Variants in MLIP observed in about 807,000 individuals in gnomAD.
The protein encoded by MLIP is muscular LMNA-interacting protein.
Under a neutral mutation model 84.8 loss-of-function variants are expected in MLIP, and 79 were observed. The ratio of observed to expected loss-of-function variants is 0.93; its 90% CI spans 0.78 to 1.12. The LOEUF (loss-of-function observed/expected upper bound fraction) is 1.12, where lower values mean the gene tolerates loss of function less well. Among genes scored for constraint, MLIP ranks in the 50% most tolerant of loss-of-function variants. The probability of loss-of-function intolerance (pLI) is 0.00; values close to 1 mark genes in which losing one functional copy is unlikely to be tolerated. For missense variants in MLIP, 1,257 were observed against 1,160.6 expected, an observed-to-expected ratio of 1.08 and a Z score of -1.21; for synonymous variants, 504 against 463.0, an observed-to-expected ratio of 1.09 and a Z score of -1.14.
At chr6:54,205,039 T>C (rs933750722) in intron 11 of MLIP, among the ~76,000 whole-genome samples, 4 of 152,166 alleles carry the variant, frequency 2.6e-5, no homozygotes, top group African/African-American at 9.7e-5. Flanking sequence ...AGATAGAACC[T>C]TGGGACCACT....
At chr6:54,019,270 A>G (rs922262355) in intron 1 of MLIP, among the ~76,000 whole-genome samples, 2 of 152,296 alleles carry the variant, frequency 1.3e-5, no homozygotes, top group South Asian at 2.1e-4. Flanking sequence ...AAAGTTATAT[A>G]TAAAATGCCA....
At chr6:54,159,267 C>T (rs992610463) in intron 5 of MLIP, among the ~76,000 whole-genome samples, 5 of 151,950 alleles carry the variant, frequency 3.3e-5, no homozygotes, top group Admixed American at 6.6e-5. Flanking sequence ...AACCTTTAGT[C>T]ACGAGCCTAC....
intron 9 of MLIP, among the ~76,000 whole-genome samples, chr6:54,180,779 C>T (rs1776775303): frequency 6.6e-6 from 1 of 152,178 alleles, no homozygotes; most frequent in Admixed American, 6.5e-5. Context: ...AGTCTCAACA[C>T]AGCTATTTTG....
At chr6:54,222,237 C>T (rs1780268903) in intron 11 of MLIP, among the ~76,000 whole-genome samples, 1 of 151,878 alleles carries the variant, frequency 6.6e-6, no homozygotes, top group Admixed American at 6.6e-5. Context: ...AGGATCTGCC[C>T]TCTTAGCAAT....
intron 1 of MLIP, among the ~76,000 whole-genome samples, chr6:54,101,299 A>G (rs1185456985): frequency 6.6e-6 from 1 of 152,128 alleles, no homozygotes; most frequent in South Asian, 2.1e-4. Context: ...ACTCTTATCA[A>G]TTAGAAATTT....
chr6:54,030,644 C>A (rs546315115), intron 1 of MLIP: 2 of 151,708 alleles, frequency 1.3e-5, no homozygotes, highest in Admixed American at 6.6e-5. Context: ...TTATTCCTTG[C>A]ACGTAAGATA....
chr6:54,089,143 G>A (rs186015120), intron 1 of MLIP, among the ~76,000 whole-genome samples: 6 of 152,148 alleles, frequency 3.9e-5, no homozygotes, highest in Non-Finnish European at 8.8e-5. Context: ...AGTTTCAGTT[G>A]AATTGATAAA....
chr6:54,139,875 G>A (rs973219037), intron 4 of MLIP, among the ~76,000 whole-genome samples: 1 of 151,996 alleles, frequency 6.6e-6, no homozygotes, highest in Non-Finnish European at 1.5e-5. Flanking sequence ...CATTATTAAG[G>A]AATTATAACC....
chr6:54,084,832 A>G (rs1411503586), intron 1 of MLIP, among the ~76,000 whole-genome samples: 2 of 152,162 alleles, frequency 1.3e-5, no homozygotes, highest in Non-Finnish European at 2.9e-5. Context: ...AAAGCTTCAA[A>G]AATTTGGCCA....
chr6:54,187,018 A>G (rs955700920), intron 9 of MLIP, among the ~76,000 whole-genome samples: 1 of 152,188 alleles, frequency 6.6e-6, no homozygotes, highest in African/African-American at 2.4e-5. Context: ...CATGAAAAAG[A>G]AAAAAGATAA....
intron 9 of MLIP, among the ~76,000 whole-genome samples, chr6:54,170,603 G>A (rs948114090): frequency 6.6e-6 from 1 of 151,504 alleles, no homozygotes; most frequent in African/African-American, 2.4e-5. Flanking sequence ...AAATCACAGT[G>A]TTGCTTTTAG....
At chr6:54,190,325 C>A (rs1777790225) in intron 10 of MLIP, among the ~76,000 whole-genome samples, 1 of 152,062 alleles carries the variant, frequency 6.6e-6, no homozygotes, top group South Asian at 2.1e-4. Flanking sequence ...AATTAGCATG[C>A]AAATGGTCTA....
intron 1 of MLIP, among the ~76,000 whole-genome samples, chr6:54,075,247 C>CAAAAA (rs35589839): frequency 1.1e-5 from 1 of 93,884 alleles, no homozygotes; most frequent in South Asian, 4.0e-4. Context: ...AACTCCGTCT[C>CAAAAA]AAAAAAAAAA....
chr6:54,063,830 A>G lies in MLIP; in HGVS notation c.63+44739A>G, dbSNP rs537627177. On this transcript the variant is annotated intron_variant, in intron 1 of 12. Coordinates refer to the MLIP transcript ENST00000274897. Reference sequence around the variant, plus strand: ...TTGCTCAAGGCACATATTTGTCCTTAGAGAATTCATTGTGTGCTTTTAGAA... The same window carrying G: ...TTGCTCAAGGCACATATTTGTCCTTGGAGAATTCATTGTGTGCTTTTAGAA... Among the ~76,000 whole-genome samples the G allele has an allele frequency of 3.9e-5, 6 of 152,254 alleles. No homozygotes were observed. The South Asian group carries it at 8.3e-4, about 21-fold the overall frequency.
chr6:54,052,470 G>C (rs1028505803), intron 1 of MLIP, among the ~76,000 whole-genome samples: 7 of 152,166 alleles, frequency 4.6e-5, no homozygotes, highest in Admixed American at 2.0e-4. Flanking sequence ...ACTGATTTTA[G>C]AGAATTAGCA....
intron 1 of MLIP, among the ~76,000 whole-genome samples, chr6:54,073,172 G>A (rs1018089262): frequency 5.3e-5 from 8 of 152,190 alleles, no homozygotes; most frequent in African/African-American, 1.9e-4. Flanking sequence ...GGGAGTAGGA[G>A]AGCTGGGGGG....
At chr6:54,151,537 C>A (rs76273453) in intron 5 of MLIP, among the ~76,000 whole-genome samples, 1 of 152,082 alleles carries the variant, frequency 6.6e-6, no homozygotes. Context: ...TATTTTAAAT[C>A]ACAGAAGGTT....
chr6:54,244,179 G>A (rs1223164051), intron 12 of MLIP, among the ~76,000 whole-genome samples: 1 of 152,056 alleles, frequency 6.6e-6, no homozygotes, highest in Non-Finnish European at 1.5e-5. Flanking sequence ...AGAAATCCGT[G>A]TGAATAAACC....
rs575126057 is a variant in MLIP at position 54,231,352 on chromosome 6, G to T, written c.2922+435G>T. Among the ~76,000 whole-genome samples the T allele has an allele frequency of 2.5e-3, 377 of 152,144 alleles. 10 individuals are homozygous for T. The highest frequency in any genetic ancestry group is 2.2e-4 in the Non-Finnish European group (15 of 68,004). ...AAAAAATGACTTAGAATTACTGTGGGTATCTGCAAAATAATATTCACATTT... is the reference window on the plus strand; with the variant it reads ...AAAAAATGACTTAGAATTACTGTGGTTATCTGCAAAATAATATTCACATTT... On this transcript the variant is annotated intron_variant, in intron 12 of 13. Transcript: ENST00000502396.
Sources: gnomAD v4.1 joint callset for allele counts (sites outside exome capture counted in the v4.1 genomes callset) on GRCh38, gnomAD v4.1.1 for gene constraint, MANE v1.5 for transcripts, NCBI Gene and HGNC (gene_info 2026-07-23, HGNC 2026-07-21) for gene names.